The following LEF1 variants were observed in gnomAD, a reference collection of about 807,000 sequenced individuals.
LEF1 encodes the protein lymphoid enhancer-binding factor 1.
In LEF1, 14 loss-of-function variants were observed where a neutral mutation model predicts 51.2. That is an observed-to-expected ratio of 0.27 (90% CI 0.18 to 0.43). The LOEUF is 0.43. Ranked by LOEUF, LEF1 falls within the 20% of genes least tolerant of loss-of-function variation. The pLI, the probability that LEF1 is intolerant of heterozygous loss-of-function variation, is 1.00. For synonymous variants in LEF1, 185 were observed against 183.2 expected (o/e 1.01, Z -0.08); for missense variants, 386 against 512.0 (o/e 0.75, Z 2.37).
At chr4:108,074,013 T>C (rs541373140) in intron 8 of LEF1, among the ~76,000 whole-genome samples, 4 of 152,202 alleles carry the variant, frequency 2.6e-5, no homozygotes, top group African/African-American at 7.2e-5. Flanking sequence ...TTTTAGTAGA[T>C]ATGGGGTTTC....
rs543105342 is a variant in LEF1, at chr4:108,152,612, A to G, written c.414+10956T>C. ...GTGAGACCTCTGGAAAGTCATTTAC[A>G]TTATCTGAACCTCAGTTAAATTACT... On this transcript the variant is annotated intron_variant, in intron 3 of 11. Transcript: ENST00000265165. Among the ~76,000 whole-genome samples the G allele has an allele frequency of 6.6e-5, 10 of 152,364 alleles. No individual in the cohort carries two copies. The South Asian group carries it at 1.4e-3, about 22-fold the overall frequency.
chr4:108,079,579 G>A lies in LEF1; in HGVS notation c.758C>T (p.Pro253Leu). The change falls in exon 7 of 12, where the codon CCC becomes CTC. Residue 253 changes from proline to leucine, a missense_variant. Physicochemically the swap from Pro to Leu is moderately conservative, Grantham distance 98. Coordinates refer to ENST00000265165, the MANE Select transcript of LEF1 (RefSeq NM_016269.5). ...TGGATGAGGGATGCCAGTTGTGTGG[G>A]GACCAGGAGGACCGGGAATCATATG... ...SHHMIPGPPGPHTTGIPHPAI... is the reference protein window; with the variant it reads ...SHHMIPGPPGLHTTGIPHPAI... 1.2e-6 allele frequency: 2 copies of A among 1,613,952 alleles called. No individual in the cohort carries two copies. The highest frequency in any genetic ancestry group is 1.7e-6 in the Non-Finnish European group (2 of 1,179,868).
At chr4:108,069,873 G>A (rs538408208) in intron 9 of LEF1, among the ~76,000 whole-genome samples, 64 of 151,274 alleles carry the variant, frequency 4.2e-4, no homozygotes, top group African/African-American at 1.5e-3. Context: ...CAGAAGAATC[G>A]CTTGAACCCA....
At chr4:108,071,278 T>C (rs1039378800) in intron 8 of LEF1, among the ~76,000 whole-genome samples, 1 of 152,174 alleles carries the variant, frequency 6.6e-6, no homozygotes, top group African/African-American at 2.4e-5. Flanking sequence ...AATCATATGA[T>C]TATCTATAAA....
chr4:108,099,566 G>A (rs1271209272), intron 3 of LEF1, among the ~76,000 whole-genome samples: 11 of 72,888 alleles, frequency 1.5e-4, no homozygotes, highest in African/African-American at 6.5e-4. Flanking sequence ...ATGTGTGTGT[G>A]TGTGTATATA....
chr4:108,130,866 A>G (rs2110350825), intron 3 of LEF1, among the ~76,000 whole-genome samples: 1 of 152,324 alleles, frequency 6.6e-6, no homozygotes, highest in South Asian at 2.1e-4. Flanking sequence ...AATGAGGCAT[A>G]CAAAATTTTT....
intron 8 of LEF1, among the ~76,000 whole-genome samples, chr4:108,076,820 A>G (rs1001526483): frequency 4.6e-5 from 7 of 152,098 alleles, no homozygotes; most frequent in Admixed American, 4.6e-4. Flanking sequence ...CTGGAGTTCA[A>G]GATCAACCTG....
rs1745526775 is a variant in LEF1 at position 108,168,009 on chromosome 4, C to A, written c.-242G>T. The A allele has an allele frequency of 5.4e-6, 1 of 185,510 alleles. No individual in the cohort carries two copies. Among genetic ancestry groups the A allele is most frequent in the Admixed American group, 6.1e-5 (1 of 16,338 alleles). 11.5% of individuals were successfully genotyped at this position (185,510 alleles called of 1,614,324 possible). A position where few individuals can be genotyped will look rare whatever the true frequency, so the allele number is the denominator to read the frequency against. On this transcript the variant is annotated 5_prime_UTR_variant, in exon 1 of 12. Coordinates refer to ENST00000265165, the MANE Select transcript of LEF1 (RefSeq NM_016269.5). This position sits in a 1 kb window ranked among gnomAD's most constrained non-coding sequence, Gnocchi z 4.6. ...GCTTCGCGGAGACCGACGCAGGCGC[C>A]CGCCCCCGAGGCCGAAGGGCACTGG... is the stretch of plus-strand genomic sequence containing the variant.
chr4:108,167,745 C>T lies in LEF1; in HGVS notation c.23G>A (p.Gly8Asp). 6.2e-7 allele frequency: 1 copy of T among 1,613,418 alleles called. No homozygotes were observed. Among genetic ancestry groups the T allele is most frequent in the Non-Finnish European group, 8.5e-7 (1 of 1,180,010 alleles). The change falls in exon 1 of 12, where the codon GGT becomes GAT. Residue 8 changes from glycine to aspartate, a missense_variant. Around this residue, in one of 2 missense-constraint regions of LEF1, gnomAD observed 335 missense variants for 390.7 expected, o/e 0.86. Transcript: ENST00000265165. This position sits in a 1 kb window ranked among gnomAD's most constrained non-coding sequence, Gnocchi z 5.7. Reference sequence around the variant, plus strand: ...TTCCGGGTCCCCCCCGCCGCCGCCACCTCCTCCGGAGAGTTGGGGCATCCC... The same window carrying T: ...TTCCGGGTCCCCCCCGCCGCCGCCATCTCCTCCGGAGAGTTGGGGCATCCC... MPQLSGGGGGGGGDPELC... is the reference protein window; with the variant it reads MPQLSGGDGGGGGDPELC...
intron 9 of LEF1, among the ~76,000 whole-genome samples, chr4:108,065,591 T>C (rs1160808063): frequency 1.3e-5 from 2 of 152,188 alleles, no homozygotes; most frequent in East Asian, 3.8e-4. Flanking sequence ...GGGAGGATGA[T>C]TTCAGTCACC....
chr4:108,157,104 A>G (rs1464762952), intron 3 of LEF1, among the ~76,000 whole-genome samples: 1 of 150,792 alleles, frequency 6.6e-6, no homozygotes, highest in Non-Finnish European at 1.5e-5. Context: ...CTACCCTAGA[A>G]CCACTCTCCT....
chr4:108,074,552 G>C (rs1329464867), intron 8 of LEF1, among the ~76,000 whole-genome samples: 3 of 152,178 alleles, frequency 2.0e-5, no homozygotes, highest in African/African-American at 7.2e-5. Flanking sequence ...AAAATGTTCT[G>C]GGATGGATTT....
Position 108,048,743 on chromosome 4 carries a change from G to A in LEF1, c.*15C>T, listed in dbSNP as rs143787350. On this transcript the variant is annotated 3_prime_UTR_variant, in exon 12 of 12. Coordinates refer to ENST00000265165, the MANE Select transcript of LEF1 (RefSeq NM_016269.5). ...GCTTTGCACGTTGGGAATGAGCTTC[G>A]TTTTCCACCTCAAGAAGGAACAAAT... The A allele has an allele frequency of 4.5e-5, 72 of 1,601,846 alleles. No homozygotes were observed. Among genetic ancestry groups the A allele is most frequent in the Non-Finnish European group, 5.7e-5 (67 of 1,173,714 alleles).
intron 3 of LEF1, among the ~76,000 whole-genome samples, chr4:108,108,141 A>G (rs1741290710): frequency 6.6e-6 from 1 of 152,238 alleles, no homozygotes; most frequent in Non-Finnish European, 1.5e-5. Context: ...TGGAAAGTGT[A>G]TAGTTACAAA....
chr4:108,147,501 T>A (rs1165064272), intron 3 of LEF1, among the ~76,000 whole-genome samples: 1 of 152,212 alleles, frequency 6.6e-6, no homozygotes, highest in Non-Finnish European at 1.5e-5. Context: ...TATTTCTTTT[T>A]GAAAAATTTA....
At chr4:108,127,473 A>G (rs1270716668) in intron 3 of LEF1, among the ~76,000 whole-genome samples, 1 of 152,210 alleles carries the variant, frequency 6.6e-6, no homozygotes, top group Non-Finnish European at 1.5e-5. Context: ...AAGTGGCAAG[A>G]AAAAAGCAAA....
chr4:108,068,790 G>T (rs1738258442), intron 9 of LEF1, among the ~76,000 whole-genome samples: 1 of 152,150 alleles, frequency 6.6e-6, no homozygotes. Context: ...ATCATCTCTT[G>T]TGAGAACTTG....
intron 7 of LEF1, 63 bp downstream of exon 7, chr4:108,079,429 G>A (rs1199030565): frequency 1.3e-6 from 2 of 1,576,008 alleles, no homozygotes; most frequent in East Asian, 2.2e-5. Flanking sequence ...TTGCAAAGGA[G>A]CAACAGTGTA....
intron 11 of LEF1, among the ~76,000 whole-genome samples, chr4:108,050,915 G>T (rs1736946519): frequency 1.3e-5 from 2 of 152,100 alleles, no homozygotes; most frequent in South Asian, 4.1e-4. Flanking sequence ...CTCCAATCTA[G>T]AGCACCCTGC....
Sources: gnomAD v4.1 joint callset for allele counts (sites outside exome capture counted in the v4.1 genomes callset) on GRCh38, gnomAD v4.1.1 for gene constraint, gnomAD v4.1.1 regional missense constraint, Gnocchi (gnomAD v3.1) non-coding constraint, MANE v1.5 for transcripts, NCBI Gene and HGNC (gene_info 2026-07-23, HGNC 2026-07-21) for gene names.